The following ANXA10 variants were observed in gnomAD, a reference collection of about 807,000 sequenced individuals.
ANXA10 encodes annexin A10.
Under a neutral mutation model 53.5 loss-of-function variants are expected in ANXA10, and 49 were observed. That is an observed-to-expected ratio of 0.92 (90% CI 0.73 to 1.16). The LOEUF (loss-of-function observed/expected upper bound fraction) is 1.16, where lower values mean the gene tolerates loss of function less well. ANXA10 is among the 50% of genes most tolerant of loss of function. The probability of loss-of-function intolerance (pLI) is 0.00; values close to 1 mark genes in which losing one functional copy is unlikely to be tolerated. For missense variants in ANXA10, 393 were observed against 394.4 expected, an observed-to-expected ratio of 1.00 and a Z score of 0.03; for synonymous variants, 131 against 128.9, an observed-to-expected ratio of 1.02 and a Z score of -0.11.
At chr4:168,168,065 C>T (rs567903885) in intron 6 of ANXA10, among the ~76,000 whole-genome samples, 1 of 152,286 alleles carries the variant, frequency 6.6e-6, no homozygotes, top group East Asian at 1.9e-4. Context: ...TAATAGATGA[C>T]TAAAAGCATA....
intron 3 of ANXA10, among the ~76,000 whole-genome samples, chr4:168,143,584 A>C (rs963638577): frequency 2.0e-5 from 3 of 152,228 alleles, no homozygotes; most frequent in Non-Finnish European, 2.9e-5. Context: ...AGTGCTAGTT[A>C]AAAACAATGC....
chr4:168,107,859 T>C (rs576143901), intron 1 of ANXA10, among the ~76,000 whole-genome samples: 4 of 152,216 alleles, frequency 2.6e-5, no homozygotes, highest in South Asian at 4.1e-4. Context: ...TACCATTATA[T>C]TGGGGGGTAG....
In ANXA10 at chr4:168,181,670, T is replaced by C. The variant is rs769178957; in HGVS notation, c.725-13T>C. ...CTCTCAATGTTTCTTCTTCTCTCTC[T>C]GATTTCTCCTAGTTCTCTGTGTTCG... On this transcript the variant is annotated splice_polypyrimidine_tract_variant and intron_variant, in intron 9 of 11. Coordinates refer to ENST00000359299, the MANE Select transcript of ANXA10 (RefSeq NM_007193.5). 6.3e-7 allele frequency: 1 copy of C among 1,595,378 alleles called. No individual in the cohort carries two copies. Among genetic ancestry groups the C allele is most frequent in the Non-Finnish European group, 8.6e-7 (1 of 1,165,154 alleles).
intron 1 of ANXA10, among the ~76,000 whole-genome samples, chr4:168,094,196 T>G (rs1045241048): frequency 3.9e-5 from 6 of 152,142 alleles, no homozygotes; most frequent in African/African-American, 1.4e-4. Flanking sequence ...TATTAAACAT[T>G]ACCAGGCTAA....
chr4:168,121,959 C>T (rs1053667115), intron 1 of ANXA10, among the ~76,000 whole-genome samples: 2 of 152,144 alleles, frequency 1.3e-5, no homozygotes, highest in Admixed American at 1.3e-4. Flanking sequence ...TTCTCTGTCT[C>T]AGCCTCCCGA....
In ANXA10 at chr4:168,148,460, T is replaced by C. The variant is rs116040161; in HGVS notation, c.195+8880T>C. ...GATTACAGGCATGAGCCACCGTGCC[T>C]GGCCATGACAATTTTTTAAAATGAG... On this transcript the variant is annotated intron_variant, in intron 3 of 11. Coordinates refer to ENST00000359299, the MANE Select transcript of ANXA10 (RefSeq NM_007193.5). Among the ~76,000 whole-genome samples the C allele has an allele frequency of 5.1e-3, 782 of 152,276 alleles. 7 individuals are homozygous for C. Among genetic ancestry groups the C allele is most frequent in the African/African-American group, 0.018 (756 of 41,530 alleles).
intron 2 of ANXA10, among the ~76,000 whole-genome samples, chr4:168,137,099 C>G (rs1215131423): frequency 6.6e-6 from 1 of 152,138 alleles, no homozygotes. Context: ...AGAGCAGTGT[C>G]CCACAGTTGT....
At chr4:168,093,187 T>C (rs991806665) in intron 1 of ANXA10, among the ~76,000 whole-genome samples, 9 of 152,224 alleles carry the variant, frequency 5.9e-5, no homozygotes, top group Non-Finnish European at 1.2e-4. Context: ...TAAGATTTTT[T>C]ATCTCGATAT....
rs1188528384 is a variant in ANXA10 at position 168,155,429 on chromosome 4, A to AATTATATATAATTATAAATTATATATTTT, written c.196-7084_196-7083insAAATTATATATTTTATTATATATAATTAT. 3.4e-4 allele frequency among the ~76,000 whole-genome samples: 26 copies of AATTATATATAATTATAAATTATATATTTT among 77,188 alleles called. 1 individual carries two copies. The highest frequency in any genetic ancestry group is 1.5e-3 in the African/African-American group (24 of 15,996). The allele number at this position is 77,188 out of a possible 152,430, so 50.6% of individuals were successfully genotyped here. On this transcript the variant is annotated intron_variant, in intron 3 of 11. Transcript: ENST00000359299. ...TTATATTATACATTATATTATATATAATTATATATAATTATGAATTATATA... is the reference window on the plus strand; with the variant it reads ...TTATATTATACATTATATTATATATAATTATATATAATTATAAATTATATATTTTATTATATATAATTATGAATTATATA...
intron 3 of ANXA10, among the ~76,000 whole-genome samples, chr4:168,145,925 C>CT (rs35715854): frequency 8.0e-5 from 12 of 149,216 alleles, no homozygotes; most frequent in South Asian, 2.1e-4. Context: ...TGTTGAGTGG[C>CT]TTTTTTTTTT....
intron 1 of ANXA10, among the ~76,000 whole-genome samples, chr4:168,106,928 A>T (rs1006853127): frequency 2.6e-5 from 4 of 152,176 alleles, no homozygotes; most frequent in African/African-American, 9.6e-5. Flanking sequence ...AAAATGCATT[A>T]CATATAAAAG....
intron 1 of ANXA10, among the ~76,000 whole-genome samples, chr4:168,119,369 T>A (rs1453867006): frequency 1.3e-5 from 2 of 152,194 alleles, no homozygotes; most frequent in Non-Finnish European, 2.9e-5. Context: ...TGATTGCAGA[T>A]GTCCTTGACT....
At chr4:168,122,310 G>A (rs1446064790) in intron 1 of ANXA10, among the ~76,000 whole-genome samples, 1 of 152,140 alleles carries the variant, frequency 6.6e-6, no homozygotes, top group Non-Finnish European at 1.5e-5. Context: ...GGAAGTTTCC[G>A]ACTGAGATCA....
At chr4:168,125,722 T>TTC (rs1329079756) in intron 1 of ANXA10, among the ~76,000 whole-genome samples, 12 of 152,328 alleles carry the variant, frequency 7.9e-5, no homozygotes, top group African/African-American at 2.4e-4. Context: ...TTTGAAATTT[T>TTC]TCTGTCATTT....
intron 4 of ANXA10, among the ~76,000 whole-genome samples, chr4:168,163,698 T>C (rs966689060): frequency 1.4e-4 from 22 of 152,178 alleles, no homozygotes; most frequent in African/African-American, 5.3e-4. Context: ...AATATATCCA[T>C]GTGTCTGCAA....
Position 168,165,920 on chromosome 4 carries a change from G to A in ANXA10, c.480+594G>A, listed in dbSNP as rs572891055. Among the ~76,000 whole-genome samples the A allele has an allele frequency of 1.2e-4, 19 of 152,084 alleles. 1 individual carries two copies. In the East Asian group the frequency reaches 2.3e-3, roughly 19 times the overall value. ...TCAAACTCCTGACTTCAGGTGATCC[G>A]CCTGCCTCAGCCTCCCAAGGTGCTA... On this transcript the variant is annotated intron_variant, in intron 6 of 11. Transcript: ENST00000359299.
chr4:168,168,448 T>C (rs1337824118), intron 6 of ANXA10, among the ~76,000 whole-genome samples: 4 of 152,152 alleles, frequency 2.6e-5, no homozygotes, highest in Admixed American at 6.5e-5. Context: ...TAACGGAGTT[T>C]CACTCTTGTC....
intron 6 of ANXA10, among the ~76,000 whole-genome samples, chr4:168,171,624 A>G (rs575024710): frequency 6.6e-6 from 1 of 152,318 alleles, no homozygotes; most frequent in East Asian, 1.9e-4. Context: ...CCAGAAGACA[A>G]GATCATTTAC....
intron 1 of ANXA10, among the ~76,000 whole-genome samples, chr4:168,107,835 G>T (rs1730742355): frequency 6.6e-6 from 1 of 151,982 alleles, no homozygotes; most frequent in African/African-American, 2.4e-5. Context: ...TTTCCCAAAG[G>T]CCTCATCTCC....
Sources: allele counts gnomAD v4.1 joint callset (sites outside exome capture counted in the v4.1 genomes callset), GRCh38; gene constraint gnomAD v4.1.1; transcripts MANE v1.5; gene names NCBI Gene and HGNC (gene_info 2026-07-23, HGNC 2026-07-21).